The following OPTN variants were observed in gnomAD, a reference collection of about 807,000 sequenced individuals.
OPTN encodes the protein optineurin.
OPTN carries 54 observed loss-of-function variants against 70.4 expected under a neutral mutation model. The ratio of observed to expected loss-of-function variants is 0.77; its 90% confidence interval spans 0.62 to 0.96. The LOEUF is 0.96. OPTN is among the 40% of genes least tolerant of loss of function. The pLI, the probability that OPTN is intolerant of heterozygous loss-of-function variation, is 0.00. For missense variants in OPTN, 624 were observed against 673.2 expected (o/e 0.93, Z 0.81); for synonymous variants, 256 against 248.5 (o/e 1.03, Z -0.28).
intron 5 of OPTN, among the ~76,000 whole-genome samples, chr10:13,114,806 A>ATATAATTATATAATTATATAAT (rs1564358822): frequency 3.0e-4 from 6 of 19,754 alleles, no homozygotes; most frequent in Non-Finnish European, 9.7e-4. Context: ...ATATATACAT[A>ATATAATTATATAATTATATAAT]TATATAATTA....
intron 13 of OPTN, among the ~76,000 whole-genome samples, chr10:13,132,546 CACT>C (rs972890372): frequency 2.6e-5 from 4 of 151,890 alleles, no homozygotes; most frequent in African/African-American, 9.7e-5. Context: ...GGCAGGGTCT[CACT>C]CCTGTCACCC....
intron 1 of OPTN, chr10:13,104,860 A>ATATTATGCTGAGTATG: frequency 2.9e-6 from 1 of 344,858 alleles, no homozygotes; most frequent in Non-Finnish European, 5.5e-6. Context: ...AAGGGACAGC[A>ATATTATGCTGAGTATG]TGGGGGTGAC....
Position 13,112,436 on chromosome 10 carries a change from C to T in OPTN, c.370-17C>T, listed in dbSNP as rs1481317881. ...TAGTTTGATCTGTTCATTCACTTTACTCCTTGTCATCTCCAGGACCCCACT... is the reference window on the plus strand; with the variant it reads ...TAGTTTGATCTGTTCATTCACTTTATTCCTTGTCATCTCCAGGACCCCACT... On this transcript the variant is annotated splice_polypyrimidine_tract_variant and intron_variant, in intron 4 of 14. Transcript: ENST00000378747. The T allele has an allele frequency of 6.2e-7, 1 of 1,613,358 alleles. No individual in the cohort carries two copies.
chr10:13,114,794 T>TACG (rs1564358713), intron 5 of OPTN, among the ~76,000 whole-genome samples: 3 of 95,924 alleles, frequency 3.1e-5, no homozygotes, highest in African/African-American at 1.3e-4. Flanking sequence ...AATTATATAA[T>TACG]TATATATACA....
At chr10:13,110,533 T>C in intron 4 of OPTN, 57 bp downstream of exon 4, 2 of 1,532,534 alleles carry the variant, frequency 1.3e-6, no homozygotes, top group Non-Finnish European at 1.8e-6. Context: ...ACATTTGCAG[T>C]GGAATCTTAC....
intron 4 of OPTN, among the ~76,000 whole-genome samples, chr10:13,111,687 C>G (rs1833002272): frequency 6.6e-6 from 1 of 151,422 alleles, no homozygotes; most frequent in Non-Finnish European, 1.5e-5. Context: ...CAGAGTGAGA[C>G]TCTGTCTGGG....
At chr10:13,112,015 T>A (rs886307164) in intron 4 of OPTN, among the ~76,000 whole-genome samples, 4 of 150,980 alleles carry the variant, frequency 2.6e-5, no homozygotes, top group African/African-American at 9.7e-5. Flanking sequence ...GCCCAGCTAA[T>A]CTTTTTGTAT....
At chr10:13,123,159 A>G (rs1833387613) in intron 8 of OPTN, 2 of 154,768 alleles carry the variant, frequency 1.3e-5, no homozygotes, top group South Asian at 4.0e-4. Context: ...TTTGGGTTCT[A>G]TCCCATTACT....
At chr10:13,109,376 C>A in intron 3 of OPTN, 88 bp downstream of exon 3, 1 of 1,367,294 alleles carries the variant, frequency 7.3e-7, no homozygotes, top group Non-Finnish European at 1.0e-6. Context: ...TGGTGAGCTC[C>A]CTTCTCCCCG....
chr10:13,133,911 C>T (rs540425137), intron 14 of OPTN, among the ~76,000 whole-genome samples: 10 of 152,218 alleles, frequency 6.6e-5, no homozygotes, highest in Middle Eastern at 3.4e-3. Context: ...TGTGTTCAAA[C>T]GGTTCTCCTT....
intron 4 of OPTN, 92 bp downstream of exon 4, chr10:13,110,568 C>A: frequency 7.9e-7 from 1 of 1,262,454 alleles, no homozygotes; most frequent in East Asian, 2.5e-5. Flanking sequence ...AGATCAAAAC[C>A]TTTCATGGTT....
Position 13,112,466 on chromosome 10 carries a change from A to C in OPTN, c.383A>C (p.Asp128Ala), listed in dbSNP as rs745806388. 2 of 1,613,280 alleles carry C rather than the reference A, an allele frequency of 1.2e-6. No homozygotes were observed. The highest frequency in any genetic ancestry group is 1.7e-5 in the Admixed American group (1 of 59,902). Residue 128 changes from aspartate (D) to alanine (A), a missense_variant, in exon 5 of 15, where the codon GAC (aspartate) becomes GCC (alanine). Transcript: ENST00000378747. The stretch of plus-strand genomic sequence containing the variant: ...TGTCATCTCCAGGACCCCACTGATG[A>C]CTCCAGGCTTCCCAGGGCCGAAGCG... ...SERSSEDPTDDSRLPRAEAEQ... is the reference protein window; with the variant it reads ...SERSSEDPTDASRLPRAEAEQ...
chr10:13,125,868 CAGA>C, intron 10 of OPTN, 75 bp from the exon 11 acceptor site: 1 of 1,071,518 alleles, frequency 9.3e-7, no homozygotes, highest in Non-Finnish European at 1.4e-6. Context: ...CTGGAGTGTT[CAGA>C]AGGTTGGGAG....
At chr10:13,123,364 T>C (rs1369061893) in intron 8 of OPTN, among the ~76,000 whole-genome samples, 1 of 152,212 alleles carries the variant, frequency 6.6e-6, no homozygotes, top group Non-Finnish European at 1.5e-5. Context: ...GTAATTAATT[T>C]ATTCAACAAA....
chr10:13,111,363 A>G (rs12573716), intron 4 of OPTN, among the ~76,000 whole-genome samples: 32,604 of 152,196 alleles, frequency 0.21, 4,212 homozygotes, highest in Middle Eastern at 0.38. Context: ...ATTTGAATAC[A>G]ATAAAATAAT....
At chr10:13,113,458 A>G (rs566952240) in intron 5 of OPTN, among the ~76,000 whole-genome samples, 4 of 152,328 alleles carry the variant, frequency 2.6e-5, no homozygotes, top group Non-Finnish European at 5.9e-5. Flanking sequence ...TTCCCTTTCA[A>G]AAGCAGCTAC....
chr10:13,110,880 A>T (rs1349939157), intron 4 of OPTN, among the ~76,000 whole-genome samples: 1 of 152,222 alleles, frequency 6.6e-6, no homozygotes, highest in Non-Finnish European at 1.5e-5. Flanking sequence ...CTGTTCTCTC[A>T]GTCTAAAATG....
intron 14 of OPTN, among the ~76,000 whole-genome samples, chr10:13,136,520 A>G (rs1232797080): frequency 1.3e-5 from 2 of 151,652 alleles, no homozygotes; most frequent in Admixed American, 1.3e-4. Flanking sequence ...AAAAAAAAAA[A>G]AAAAAAAAAT....
Position 13,137,868 on chromosome 10 carries a change from C to G in OPTN, c.*1002C>G, listed in dbSNP as rs1833729740. The G allele has an allele frequency of 4.4e-6, 1 of 225,916 alleles. No individual in the cohort carries two copies. Among genetic ancestry groups the G allele is most frequent in the African/African-American group, 2.2e-5 (1 of 44,938 alleles). 14.0% of individuals were successfully genotyped at this position (225,916 alleles called of 1,614,324 possible). On this transcript the variant is annotated 3_prime_UTR_variant, in exon 15 of 15. Coordinates refer to ENST00000378747, the MANE Select transcript of OPTN (RefSeq NM_001008212.2). ...GTACCTGCAGGCCTGTGGGCTTGTA[C>G]AGTAGATAATTAATTTCTAAAAAGA...
Sources: allele counts gnomAD v4.1 joint callset (sites outside exome capture counted in the v4.1 genomes callset), GRCh38; gene constraint gnomAD v4.1.1; transcripts MANE v1.5; gene names NCBI Gene and HGNC (gene_info 2026-07-23, HGNC 2026-07-21).